Variants in LRRN1 observed in about 807,000 individuals in gnomAD.
LRRN1 encodes the protein leucine rich repeat neuronal 1.
A neutral mutation model predicts 45.8 loss-of-function variants in LRRN1; 14 were observed. That is an observed-to-expected ratio of 0.31 (90% confidence interval 0.20 to 0.48). The LOEUF (loss-of-function observed/expected upper bound fraction) is 0.48. LRRN1 is among the 20% of genes least tolerant of loss of function. The probability of loss-of-function intolerance (pLI) is 0.99; values close to 1 mark genes in which losing one functional copy is unlikely to be tolerated. For synonymous variants in LRRN1, 359 were observed against 330.1 expected (o/e 1.09, Z -0.95); for missense variants, 789 against 874.2 (o/e 0.90, Z 1.23).
chr3:3,808,486 GT>G (rs1692811881), intron 1 of LRRN1, among the ~76,000 whole-genome samples: 1 of 152,226 alleles, frequency 6.6e-6, no homozygotes, highest in Admixed American at 6.5e-5. Flanking sequence ...GTACACATCT[GT>G]TTTAGAGGAG....
At position 3,845,809 on chromosome 3, in the gene LRRN1, C is replaced by T. The variant is rs748492330; in HGVS notation, c.1168C>T (p.Arg390Cys). The T allele has an allele frequency of 4.3e-6, 7 of 1,614,122 alleles. No homozygotes were observed. Among genetic ancestry groups the T allele is most frequent in the East Asian group, 4.5e-5 (2 of 44,866 alleles). ...HWINSNKTNIRFMEPLSMFCA... is the reference protein window; with the variant it reads ...HWINSNKTNICFMEPLSMFCA... ...GATTAACTCCAACAAAACCAACATCCGCTTCATGGAGCCCCTGTCCATGTT... is the reference window on the plus strand; with the variant it reads ...GATTAACTCCAACAAAACCAACATCTGCTTCATGGAGCCCCTGTCCATGTT... Residue 390 changes from arginine (R) to cysteine (C), a missense_variant, in exon 2 of 2, where the codon CGC becomes TGC. Physicochemically the swap from Arg to Cys is radical, Grantham distance 180. Coordinates refer to ENST00000319331, the MANE Select transcript of LRRN1 (RefSeq NM_020873.7). The surrounding 1 kb of genome is among the most constrained non-coding windows in gnomAD (Gnocchi z 6.5).
chr3:3,831,009 C>A (rs1575293812), intron 1 of LRRN1, among the ~76,000 whole-genome samples: 1 of 152,188 alleles, frequency 6.6e-6, no homozygotes, highest in African/African-American at 2.4e-5. Flanking sequence ...AAACAGCATC[C>A]CTGTCTGCCA....
chr3:3,844,511 C>A lies in LRRN1; in HGVS notation c.-131C>A. 1.4e-6 allele frequency: 1 copy of A among 737,420 alleles called. No homozygotes were observed. The highest frequency in any genetic ancestry group is 2.2e-6 in the Non-Finnish European group (1 of 454,798). 45.7% of individuals were successfully genotyped at this position (737,420 alleles called of 1,614,324 possible). On this transcript the variant is annotated 5_prime_UTR_variant, in exon 2 of 2. Transcript: ENST00000319331. ...AACCATCCCTTTGGACTCTGGAATTCTACACAGCTCAACCAAGACTTTGCT... is the reference window on the plus strand; with the variant it reads ...AACCATCCCTTTGGACTCTGGAATTATACACAGCTCAACCAAGACTTTGCT...
intron 1 of LRRN1, among the ~76,000 whole-genome samples, chr3:3,813,337 A>G (rs1692919995): frequency 6.6e-6 from 1 of 152,212 alleles, no homozygotes; most frequent in Non-Finnish European, 1.5e-5. Context: ...ATATTAGATC[A>G]TTTCAACACT....
chr3:3,820,397 T>A (rs10510278), intron 1 of LRRN1, among the ~76,000 whole-genome samples: 9,050 of 152,240 alleles, frequency 0.059, 300 homozygotes, highest in South Asian at 0.086. Flanking sequence ...TTCAGCCTTT[T>A]CTTTAGGGAA....
rs1693807530 is a variant in LRRN1 at position 3,847,690 on chromosome 3, C to T, written c.*898C>T. The T allele has an allele frequency of 6.0e-6, 1 of 166,758 alleles. No homozygotes were observed. The highest frequency in any genetic ancestry group is 2.4e-5 in the African/African-American group (1 of 41,442). The allele number at this position is 166,758 out of a possible 1,614,324, so 10.3% of individuals were successfully genotyped here. ...GTAATATTTTTCACATCCATAAAAACAACTACCAAAATAAATCAGCTGTAG... is the reference window on the plus strand; with the variant it reads ...GTAATATTTTTCACATCCATAAAAATAACTACCAAAATAAATCAGCTGTAG... On this transcript the variant is annotated 3_prime_UTR_variant, in exon 2 of 2. Coordinates refer to ENST00000319331, the MANE Select transcript of LRRN1 (RefSeq NM_020873.7).
rs1693854440 is a variant in LRRN1, at chr3:3,849,599, C to T, written c.*2807C>T. 6.6e-6 allele frequency among the ~76,000 whole-genome samples: 1 copy of T among 152,108 alleles called. No homozygotes were observed. The highest frequency in any genetic ancestry group is 2.4e-5 in the African/African-American group (1 of 41,430). On this transcript the variant is annotated 3_prime_UTR_variant, in exon 2 of 2. Coordinates refer to ENST00000319331, the MANE Select transcript of LRRN1 (RefSeq NM_020873.7). ...TTCTAATTTCATATTTTCCCTTTTG[C>T]TTTCTGCTGCCTTCAGGGTATATAG...
intron 1 of LRRN1, among the ~76,000 whole-genome samples, chr3:3,834,203 T>C (rs558288650): frequency 2.6e-5 from 4 of 152,102 alleles, no homozygotes; most frequent in East Asian, 1.9e-4. Flanking sequence ...ACCAGCTTCA[T>C]TGTGTTCCTC....
At position 3,834,525 on chromosome 3, in the gene LRRN1, G is replaced by GACATATATATATATGAT. The variant is rs750534210; in HGVS notation, c.-278-9838_-278-9837insCATATATATATATGATA. On this transcript the variant is annotated intron_variant, in intron 1 of 1. Coordinates refer to ENST00000319331, the MANE Select transcript of LRRN1 (RefSeq NM_020873.7). ...GCGTTCTCTTAGAGGGACAGAACAG[G>GACATATATATATATGAT]ATATATATATATATATATATATATA... is the stretch of plus-strand genomic sequence containing the variant. Among the ~76,000 whole-genome samples the GACATATATATATATGAT allele has an allele frequency of 6.2e-4, 17 of 27,310 alleles. 2 individuals carry two copies. The highest frequency in any genetic ancestry group is 6.7e-4 in the Admixed American group (1 of 1,488). 17.9% of individuals were successfully genotyped at this position (27,310 alleles called of 152,430 possible).
At chr3:3,809,643 G>A (rs1201759059) in intron 1 of LRRN1, among the ~76,000 whole-genome samples, 1 of 152,214 alleles carries the variant, frequency 6.6e-6, no homozygotes, top group Non-Finnish European at 1.5e-5. Context: ...GGGTAACAAG[G>A]CATGTCCTAG....
chr3:3,842,620 A>G (rs910582834), intron 1 of LRRN1, among the ~76,000 whole-genome samples: 1 of 152,206 alleles, frequency 6.6e-6, no homozygotes, highest in Non-Finnish European at 1.5e-5. Flanking sequence ...AGAGCTTGCT[A>G]TGTATTGAGC....
At chr3:3,822,217 G>C (rs946059463) in intron 1 of LRRN1, among the ~76,000 whole-genome samples, 9 of 152,150 alleles carry the variant, frequency 5.9e-5, no homozygotes, top group African/African-American at 2.2e-4. Context: ...AATAATTTAT[G>C]TAAATGATTC....
At position 3,844,453 on chromosome 3, in the gene LRRN1, C is replaced by G; in HGVS notation, c.-189C>G. ...ATTGAGAGACACAGTTAAAAGACTC[C>G]AAGTTGCTTTCTGCCTTTTGAAAAC... is the stretch of plus-strand genomic sequence containing the variant. On this transcript the variant is annotated 5_prime_UTR_variant, in exon 2 of 2. Coordinates refer to ENST00000319331, the MANE Select transcript of LRRN1 (RefSeq NM_020873.7). The G allele has an allele frequency of 5.3e-6, 3 of 561,186 alleles. No individual in the cohort carries two copies. The highest frequency in any genetic ancestry group is 9.4e-6 in the Non-Finnish European group (3 of 318,778). The allele number at this position is 561,186 out of a possible 1,614,324, so 34.8% of individuals were successfully genotyped here. A position where few individuals can be genotyped will look rare whatever the true frequency, so the allele number is the denominator to read the frequency against.
chr3:3,841,066 G>C (rs991971295), intron 1 of LRRN1, among the ~76,000 whole-genome samples: 1 of 152,122 alleles, frequency 6.6e-6, no homozygotes, highest in Non-Finnish European at 1.5e-5. Context: ...TTGGGAGGCC[G>C]AAGTGGACGG....
At chr3:3,837,007 C>G (rs1693534601) in intron 1 of LRRN1, among the ~76,000 whole-genome samples, 1 of 152,112 alleles carries the variant, frequency 6.6e-6, no homozygotes, top group African/African-American at 2.4e-5. Context: ...CTCCTGCACC[C>G]ATGGGAAGGA....
At chr3:3,840,675 A>C (rs941290438) in intron 1 of LRRN1, among the ~76,000 whole-genome samples, 5 of 152,200 alleles carry the variant, frequency 3.3e-5, no homozygotes, top group African/African-American at 1.2e-4. Flanking sequence ...GGAAATTCTT[A>C]TACATACATT....
intron 1 of LRRN1, among the ~76,000 whole-genome samples, chr3:3,821,509 T>C (rs970559297): frequency 6.6e-5 from 10 of 152,088 alleles, no homozygotes; most frequent in African/African-American, 2.4e-4. Context: ...CCCCTTAAGA[T>C]TAGAAGCTGT....
At chr3:3,823,534 C>T (rs1415925238) in intron 1 of LRRN1, among the ~76,000 whole-genome samples, 3 of 152,146 alleles carry the variant, frequency 2.0e-5, no homozygotes, top group Non-Finnish European at 2.9e-5. Context: ...GCACCTGACT[C>T]TAATTGTCTT....
Position 3,830,284 on chromosome 3 carries a change from T to G in LRRN1, c.-278-14080T>G, listed in dbSNP as rs573573543. On this transcript the variant is annotated intron_variant, in intron 1 of 1. Transcript: ENST00000319331. Reference sequence around the variant, plus strand: ...TCCACATACCTCCTCCCCAAATTTCTTTGTCACCAATTTTCCAATCATGTT... The same window carrying G: ...TCCACATACCTCCTCCCCAAATTTCGTTGTCACCAATTTTCCAATCATGTT... Among the ~76,000 whole-genome samples, 3 of 152,328 alleles carry G rather than the reference T, an allele frequency of 2.0e-5. No homozygotes were observed. In the East Asian group the frequency reaches 5.8e-4, roughly 29 times the overall value.
Sources: allele counts gnomAD v4.1 joint callset (sites outside exome capture counted in the v4.1 genomes callset), GRCh38; gene constraint gnomAD v4.1.1; non-coding constraint Gnocchi (gnomAD v3.1); transcripts MANE v1.5; gene names NCBI Gene and HGNC (gene_info 2026-07-23, HGNC 2026-07-21).